Variants in CNTLN observed in about 807,000 individuals in gnomAD.
CNTLN encodes the protein centlein, centrosomal protein.
CNTLN carries 212 observed loss-of-function variants against 180.0 expected under a neutral mutation model. The observed-to-expected ratio is 1.18, with a 90% CI of 1.05 to 1.32. The LOEUF (loss-of-function observed/expected upper bound fraction) is 1.32, where lower values mean the gene tolerates loss of function less well. Ranked by LOEUF, CNTLN falls within the 40% of genes most tolerant of loss-of-function variation. The pLI is 0.00. For synonymous variants in CNTLN, 722 were observed against 563.1 expected, an observed-to-expected ratio of 1.28 and a Z score of -3.99; for missense variants, 2,095 against 1,610.9, an observed-to-expected ratio of 1.30 and a Z score of -5.14.
chr9:17,197,320 A>G (rs4128606), intron 2 of CNTLN, among the ~76,000 whole-genome samples: 31,807 of 152,150 alleles, frequency 0.21, 3,634 homozygotes, highest in African/African-American at 0.31. Context: ...ACTTCTGGAT[A>G]AAAGCCATTT....
At chr9:17,296,937 CTTTCT>C (rs1232369357) in intron 6 of CNTLN, among the ~76,000 whole-genome samples, 3 of 152,166 alleles carry the variant, frequency 2.0e-5, no homozygotes, top group Non-Finnish European at 2.9e-5. Flanking sequence ...TTTATTCCTT[CTTTCT>C]TTTAAGACAT....
Position 17,457,380 on chromosome 9 carries a change from T to G in CNTLN, c.3115-144T>G, listed in dbSNP as rs1258957388. On this transcript the variant is annotated intron_variant, in intron 18 of 25. Transcript: ENST00000380647. ...CAAAATCTAGTAGAGGTTAAGATTTTTGTAAAGTTTGTATAATAACTATAA... is the reference window on the plus strand; with the variant it reads ...CAAAATCTAGTAGAGGTTAAGATTTGTGTAAAGTTTGTATAATAACTATAA... The G allele has an allele frequency of 1.5e-5, 7 of 468,884 alleles. No individual in the cohort carries two copies. The Admixed American group carries it at 2.2e-4, about 15-fold the overall frequency. The allele number at this position is 468,884 out of a possible 1,614,324, so 29.0% of individuals were successfully genotyped here. A position where few individuals can be genotyped will look rare whatever the true frequency, so the allele number is the denominator to read the frequency against.
rs1029908914 is a variant in CNTLN at position 17,352,081 on chromosome 9, T to C, written c.1886+9637T>C. Among the ~76,000 whole-genome samples, 4 of 152,216 alleles carry C rather than the reference T, an allele frequency of 2.6e-5. No individual in the cohort carries two copies. The East Asian group carries it at 7.7e-4, about 29-fold the overall frequency. ...TTTTGAATTCATAATACAAAAACTT[T>C]TTTATTTCATAGAAGTAGGAAATTT... On this transcript the variant is annotated intron_variant, in intron 12 of 25. Coordinates refer to ENST00000380647, the MANE Select transcript of CNTLN (RefSeq NM_017738.4).
intron 6 of CNTLN, among the ~76,000 whole-genome samples, chr9:17,276,726 A>G (rs1161375781): frequency 6.6e-6 from 1 of 152,072 alleles, no homozygotes; most frequent in Non-Finnish European, 1.5e-5. Context: ...AAATGGCAGT[A>G]TTTGCACATA....
intron 5 of CNTLN, among the ~76,000 whole-genome samples, chr9:17,270,872 A>T (rs1378201900): frequency 6.6e-6 from 1 of 151,610 alleles, no homozygotes; most frequent in Non-Finnish European, 1.5e-5. Context: ...ACTGAACAAG[A>T]TATAGTGGGA....
chr9:17,380,622 A>C (rs1174518863), intron 13 of CNTLN, among the ~76,000 whole-genome samples: 5 of 152,162 alleles, frequency 3.3e-5, no homozygotes, highest in Non-Finnish European at 7.3e-5. Context: ...AAGCCTGACA[A>C]ATCACATGTA....
chr9:17,274,067 C>T (rs1819340285), intron 6 of CNTLN, among the ~76,000 whole-genome samples: 2 of 152,122 alleles, frequency 1.3e-5, no homozygotes, highest in East Asian at 1.9e-4. Flanking sequence ...CAGGATTGGA[C>T]GAGCATGGTC....
At chr9:17,248,894 A>C (rs1012845831) in intron 5 of CNTLN, among the ~76,000 whole-genome samples, 6 of 151,784 alleles carry the variant, frequency 4.0e-5, no homozygotes, top group African/African-American at 1.4e-4. Flanking sequence ...AATCATTTTT[A>C]TTTCTTTATA....
rs140085716 is a variant in CNTLN, at chr9:17,261,402, T to A, written c.850-12331T>A. On this transcript the variant is annotated intron_variant, in intron 5 of 25. Coordinates refer to ENST00000380647, the MANE Select transcript of CNTLN (RefSeq NM_017738.4). ...AAGATCTTTCACCTTCTTGTTTAGA[T>A]GTACTCCTGGGTATTTTGTTATTTT... Among the ~76,000 whole-genome samples the A allele has an allele frequency of 7.0e-3, 1,065 of 151,550 alleles. 51 individuals carry two copies. The highest frequency in any genetic ancestry group is 0.025 in the African/African-American group (1,006 of 40,976).
chr9:17,524,719 C>T, the CNTLN span, among the ~76,000 whole-genome samples: 1 of 152,208 alleles, frequency 6.6e-6, no homozygotes, highest in Admixed American at 6.5e-5. Context: ...TTAAATCCTT[C>T]TCTTTGTTAA....
intron 18 of CNTLN, among the ~76,000 whole-genome samples, chr9:17,423,499 C>G (rs917008767): frequency 6.6e-6 from 1 of 152,056 alleles, no homozygotes; most frequent in East Asian, 1.9e-4. Flanking sequence ...CTGAGCTTCC[C>G]TGCCTGGAGT....
At position 17,267,338 on chromosome 9, in the gene CNTLN, A is replaced by AT. The variant is rs552574390; in HGVS notation, c.850-6387dup. On this transcript the variant is annotated intron_variant, in intron 5 of 25. Transcript: ENST00000380647. ...GATATGAAATTCTGGGTTGAAAATT[A>AT]TTTTTTTTAAGAATGTTGAATATAG... Among the ~76,000 whole-genome samples, 169 of 151,934 alleles carry AT rather than the reference A, an allele frequency of 1.1e-3. 2 individuals are homozygous for AT. In the South Asian group the frequency reaches 0.03, roughly 27 times the overall value.
chr9:17,377,959 T>A (rs1824914380), intron 13 of CNTLN, among the ~76,000 whole-genome samples: 1 of 152,228 alleles, frequency 6.6e-6, no homozygotes, highest in African/African-American at 2.4e-5. Flanking sequence ...TCAATTAAAA[T>A]ATTACTTTGT....
At chr9:17,352,416 A>ATATATATATATATT (rs1469636947) in intron 12 of CNTLN, among the ~76,000 whole-genome samples, 1 of 31,304 alleles carries the variant, frequency 3.2e-5, no homozygotes, top group African/African-American at 1.2e-4. Flanking sequence ...ATATATATAT[A>ATATATATATATATT]TTTTTTTTTT....
rs569565151 is a variant in CNTLN at position 17,312,931 on chromosome 9, C to T, written c.1341+3679C>T. Reference sequence around the variant, plus strand: ...TTTAGAAAGGAGTGTTAAAATCTCTCACATAATTGTAGATTTTTGTTTCTC... The same window carrying T: ...TTTAGAAAGGAGTGTTAAAATCTCTTACATAATTGTAGATTTTTGTTTCTC... On this transcript the variant is annotated intron_variant, in intron 8 of 25. Transcript: ENST00000380647. 2.6e-5 allele frequency among the ~76,000 whole-genome samples: 4 copies of T among 152,206 alleles called. No homozygotes were observed. The East Asian group carries it at 5.8e-4, about 22-fold the overall frequency.
At chr9:17,281,736 G>A (rs907636792) in intron 6 of CNTLN, among the ~76,000 whole-genome samples, 6 of 152,106 alleles carry the variant, frequency 3.9e-5, no homozygotes, top group Non-Finnish European at 7.3e-5. Context: ...GAATAGTGCT[G>A]CAATGAACAT....
chr9:17,384,032 T>A (rs1405494946), intron 13 of CNTLN, among the ~76,000 whole-genome samples: 1 of 152,180 alleles, frequency 6.6e-6, no homozygotes, highest in Non-Finnish European at 1.5e-5. Context: ...AATTAAAATA[T>A]AATGAAGCAC....
intron 1 of CNTLN, among the ~76,000 whole-genome samples, chr9:17,141,412 C>T (rs1818082260): frequency 6.6e-6 from 1 of 152,088 alleles, no homozygotes; most frequent in Admixed American, 6.6e-5. Context: ...TGAGGGAATA[C>T]TCTATGTGAA....
intron 12 of CNTLN, among the ~76,000 whole-genome samples, chr9:17,345,694 A>G (rs1292861928): frequency 6.6e-6 from 1 of 151,858 alleles, no homozygotes; most frequent in African/African-American, 2.4e-5. Flanking sequence ...TATCTCAAAT[A>G]TTTTCTCTAA....
Sources: allele counts gnomAD v4.1 joint callset (sites outside exome capture counted in the v4.1 genomes callset), GRCh38; gene constraint gnomAD v4.1.1; transcripts MANE v1.5; gene names NCBI Gene and HGNC (gene_info 2026-07-23, HGNC 2026-07-21).